SCRN1: variants seen among roughly 807,000 people sequenced by gnomAD.
The protein encoded by SCRN1 is secernin 1.
Under a neutral mutation model 43.3 loss-of-function variants are expected in SCRN1, and 19 were observed. The observed-to-expected ratio is 0.44, with a 90% confidence interval of 0.31 to 0.64. SCRN1 has a LOEUF of 0.64. Among genes scored for constraint, SCRN1 ranks in the 30% least tolerant of loss-of-function variants. SCRN1 has a pLI of 0.09. For missense variants in SCRN1, 447 were observed against 524.1 expected (o/e 0.85, Z 1.44); for synonymous variants, 183 against 188.9 (o/e 0.97, Z 0.26).
intron 2 of SCRN1, among the ~76,000 whole-genome samples, chr7:29,963,351 G>A (rs1264814750): frequency 6.6e-6 from 1 of 152,156 alleles, no homozygotes; most frequent in Non-Finnish European, 1.5e-5. Flanking sequence ...GGGAGGAGTG[G>A]ATATTGGTGT....
At chr7:29,925,854 CA>C (rs59395122) in intron 7 of SCRN1, among the ~76,000 whole-genome samples, 7,050 of 83,982 alleles carry the variant, frequency 0.084, 201 homozygotes, top group African/African-American at 0.15. Context: ...ACTAAAAATA[CA>C]AAAAAAAAAA....
intron 2 of SCRN1, 27 bp from the exon 3 acceptor site, chr7:29,955,387 C>G (rs763899156): frequency 2.5e-6 from 4 of 1,606,856 alleles, no homozygotes; most frequent in South Asian, 2.2e-5. Flanking sequence ...GGAAAGAAAG[C>G]GCCATCACCT....
Position 29,972,266 on chromosome 7 carries a change from T to C in SCRN1, c.-1-3198A>G, listed in dbSNP as rs185982499. Among the ~76,000 whole-genome samples the C allele has an allele frequency of 4.0e-4, 61 of 152,304 alleles. 1 individual carries two copies. The highest frequency in any genetic ancestry group is 1.3e-3 in the African/African-American group (53 of 41,566). Reference sequence around the variant, plus strand: ...TTTATCTTGTGTGATGCCTCGAGTATCTCATATGCTCCCTCTCTCCCCATC... The same window carrying C: ...TTTATCTTGTGTGATGCCTCGAGTACCTCATATGCTCCCTCTCTCCCCATC... On this transcript the variant is annotated intron_variant, in intron 1 of 7. Transcript: ENST00000242059.
At chr7:29,944,458 C>T (rs922476158) in intron 3 of SCRN1, among the ~76,000 whole-genome samples, 1 of 151,970 alleles carries the variant, frequency 6.6e-6, no homozygotes, top group African/African-American at 2.4e-5. Flanking sequence ...CTCAGGAGTT[C>T]AAGACCAGCC....
chr7:29,948,884 C>T (rs916008683), intron 3 of SCRN1, among the ~76,000 whole-genome samples: 1 of 152,150 alleles, frequency 6.6e-6, no homozygotes, highest in Non-Finnish European at 1.5e-5. Context: ...ACTCAAACAG[C>T]GCTGCCCCTT....
chr7:29,941,048 C>A (rs917516710), intron 4 of SCRN1, among the ~76,000 whole-genome samples, 172 bp from the exon 5 acceptor site: 2 of 152,212 alleles, frequency 1.3e-5, no homozygotes, highest in Admixed American at 1.3e-4. Flanking sequence ...TTCTAGGAGA[C>A]CTCCTAAAAG....
chr7:29,986,268 G>A (rs1789148975), intron 1 of SCRN1, among the ~76,000 whole-genome samples: 1 of 152,134 alleles, frequency 6.6e-6, no homozygotes, highest in African/African-American at 2.4e-5. Context: ...AACCATATTT[G>A]CAATTTTATA....
At chr7:29,941,430 T>A (rs1220513013) in intron 4 of SCRN1, among the ~76,000 whole-genome samples, 1 of 152,198 alleles carries the variant, frequency 6.6e-6, no homozygotes, top group African/African-American at 2.4e-5. Flanking sequence ...AATACTTCAT[T>A]CAACTTTTTT....
rs1003192241 is a variant in SCRN1, at chr7:29,950,033, G to A, written c.341+5146C>T. ...TCTGGGTTGCGTGCTTTGCGAGGCT[G>A]GTGGGAGCCCCACCCCCTACCAAGT... On this transcript the variant is annotated intron_variant, in intron 3 of 7. Transcript: ENST00000242059. The surrounding 1 kb of genome is among the most constrained non-coding windows in gnomAD (Gnocchi z 4.5). Among the ~76,000 whole-genome samples, 2 of 152,186 alleles carry A rather than the reference G, an allele frequency of 1.3e-5. No individual in the cohort carries two copies. Among genetic ancestry groups the A allele is most frequent in the African/African-American group, 2.4e-5 (1 of 41,448 alleles).
At chr7:29,957,797 G>C (rs1788182050) in intron 2 of SCRN1, among the ~76,000 whole-genome samples, 1 of 152,178 alleles carries the variant, frequency 6.6e-6, no homozygotes. Context: ...TCCAGACAGA[G>C]CTAAGGGCTT....
intron 6 of SCRN1, among the ~76,000 whole-genome samples, chr7:29,928,567 A>C (rs958656281): frequency 9.8e-5 from 15 of 152,344 alleles, no homozygotes; most frequent in Admixed American, 6.5e-4. Flanking sequence ...GCTGTTCTCT[A>C]TAGATGACGC....
At chr7:29,986,673 T>C (rs1287780211) in intron 1 of SCRN1, among the ~76,000 whole-genome samples, 1 of 152,050 alleles carries the variant, frequency 6.6e-6, no homozygotes, top group African/African-American at 2.4e-5. Context: ...TTGGCATATC[T>C]TCACATTCAT....
intron 3 of SCRN1, among the ~76,000 whole-genome samples, chr7:29,953,227 C>G (rs1472869029): frequency 3.9e-5 from 6 of 152,248 alleles, no homozygotes; most frequent in Non-Finnish European, 8.8e-5. Context: ...CTACTATCTT[C>G]TTATATTATT....
At chr7:29,980,113 T>C (rs894406165) in intron 1 of SCRN1, among the ~76,000 whole-genome samples, 1 of 152,202 alleles carries the variant, frequency 6.6e-6, no homozygotes. Flanking sequence ...ATGTCAACCA[T>C]GTACAGTTAT....
chr7:29,985,652 C>G (rs572242809), intron 1 of SCRN1, among the ~76,000 whole-genome samples: 20 of 152,266 alleles, frequency 1.3e-4, no homozygotes, highest in African/African-American at 4.6e-4. Context: ...ATTTCTCCAT[C>G]CTAGCTGAAG....
At chr7:29,989,215 C>T (rs1424097461) in intron 1 of SCRN1, 5 of 152,144 alleles carry the variant, frequency 3.3e-5, no homozygotes. Context: ...GGCGCCCGCC[C>T]GCGCAGCAGG....
chr7:29,984,333 A>C (rs138851740), intron 1 of SCRN1, among the ~76,000 whole-genome samples: 128 of 152,188 alleles, frequency 8.4e-4, no homozygotes, highest in African/African-American at 3.0e-3. Flanking sequence ...CATATGGATA[A>C]ATTTTTTAAA....
intron 3 of SCRN1, among the ~76,000 whole-genome samples, chr7:29,948,971 T>A (rs1371093463): frequency 6.6e-6 from 1 of 152,168 alleles, no homozygotes; most frequent in African/African-American, 2.4e-5. Flanking sequence ...ATAGTTCTCA[T>A]CCATGTTGAG....
intron 3 of SCRN1, among the ~76,000 whole-genome samples, chr7:29,947,962 T>C (rs926831011): frequency 6.6e-6 from 1 of 152,206 alleles, no homozygotes; most frequent in African/African-American, 2.4e-5. Flanking sequence ...TGATCTCAGA[T>C]TTCCCAGTCT....
Sources: allele counts gnomAD v4.1 joint callset (sites outside exome capture counted in the v4.1 genomes callset), GRCh38; gene constraint gnomAD v4.1.1; non-coding constraint Gnocchi (gnomAD v3.1); transcripts MANE v1.5; gene names NCBI Gene and HGNC (gene_info 2026-07-23, HGNC 2026-07-21).